Variants in HAO1 observed in about 807,000 individuals in gnomAD.
The protein encoded by HAO1 is hydroxyacid oxidase 1.
HAO1 carries 34 observed loss-of-function variants against 39.7 expected under a neutral mutation model. The observed-to-expected ratio is 0.86, with a 90% CI of 0.65 to 1.14. The LOEUF (loss-of-function observed/expected upper bound fraction) is 1.14. Ranked by LOEUF, HAO1 falls within the 50% of genes most tolerant of loss-of-function variation. The probability of loss-of-function intolerance (pLI) is 0.00; values close to 1 mark genes in which losing one functional copy is unlikely to be tolerated. For synonymous variants in HAO1, 172 were observed against 173.2 expected, an observed-to-expected ratio of 0.99 and a Z score of 0.05; for missense variants, 479 against 464.5, an observed-to-expected ratio of 1.03 and a Z score of -0.29.
At chr20:7,928,942 G>A (rs1029067421) in intron 2 of HAO1, among the ~76,000 whole-genome samples, 4 of 152,004 alleles carry the variant, frequency 2.6e-5, no homozygotes, top group Non-Finnish European at 5.9e-5. Context: ...TGGAAGATTT[G>A]GCAACCCCAC....
intron 2 of HAO1, among the ~76,000 whole-genome samples, chr20:7,930,025 C>G (rs76132687): frequency 0.013 from 1,992 of 152,218 alleles, 39 homozygotes; most frequent in African/African-American, 0.043. Flanking sequence ...TAGCAATTCC[C>G]AGAACTTTCT....
At chr20:7,904,118 C>T (rs1206719550) in intron 4 of HAO1, among the ~76,000 whole-genome samples, 1 of 152,014 alleles carries the variant, frequency 6.6e-6, no homozygotes, top group African/African-American at 2.4e-5. Context: ...AATTATGGAA[C>T]AAGACTAAAA....
intron 2 of HAO1, among the ~76,000 whole-genome samples, chr20:7,914,952 C>G (rs1384095746): frequency 6.6e-6 from 1 of 152,072 alleles, no homozygotes; most frequent in Non-Finnish European, 1.5e-5. Context: ...AACCCCATCT[C>G]TACTAAAAAA....
chr20:7,900,303 A>G (rs975394673), intron 4 of HAO1, among the ~76,000 whole-genome samples: 2 of 152,190 alleles, frequency 1.3e-5, no homozygotes, highest in South Asian at 2.1e-4. Flanking sequence ...TCCACCAGCA[A>G]GAAGACTACA....
At chr20:7,921,708 T>G (rs2050333861) in intron 2 of HAO1, among the ~76,000 whole-genome samples, 1 of 152,126 alleles carries the variant, frequency 6.6e-6, no homozygotes, top group East Asian at 1.9e-4. Flanking sequence ...TCAATCCAGG[T>G]GCCCACCAAT....
chr20:7,885,422 A>T, intron 7 of HAO1, 99 bp downstream of exon 7: 2 of 794,668 alleles, frequency 2.5e-6, no homozygotes, highest in Non-Finnish European at 4.4e-6. Context: ...TACTCAAATG[A>T]TCCCACACTC....
intron 3 of HAO1, among the ~76,000 whole-genome samples, chr20:7,909,814 A>G (rs2025222458): frequency 6.6e-6 from 1 of 152,208 alleles, no homozygotes; most frequent in Non-Finnish European, 1.5e-5. Flanking sequence ...CATGACCAGT[A>G]GAAGCTACAG....
chr20:7,910,312 C>T (rs1423200106), intron 3 of HAO1, among the ~76,000 whole-genome samples: 3 of 152,198 alleles, frequency 2.0e-5, no homozygotes, highest in East Asian at 1.9e-4. Context: ...TGGTAACCAG[C>T]GTTGGCAAAA....
intron 3 of HAO1, among the ~76,000 whole-genome samples, chr20:7,913,617 T>C (rs949006397): frequency 7.9e-5 from 12 of 152,204 alleles, no homozygotes; most frequent in African/African-American, 2.9e-4. Context: ...CATCAGATTA[T>C]GTGATATATT....
chr20:7,898,597 C>T (rs1254347608), intron 4 of HAO1, among the ~76,000 whole-genome samples: 1 of 152,110 alleles, frequency 6.6e-6, no homozygotes, highest in Non-Finnish European at 1.5e-5. Flanking sequence ...CAATGGACTA[C>T]CATAGAACTT....
intron 2 of HAO1, among the ~76,000 whole-genome samples, chr20:7,924,221 T>TTGC (rs757142682): frequency 1.1e-4 from 17 of 147,868 alleles, no homozygotes; most frequent in African/African-American, 4.0e-4. Context: ...GTTGTTGTTG[T>TTGC]TGTTGTTTGT....
intron 3 of HAO1, among the ~76,000 whole-genome samples, chr20:7,907,993 A>G (rs554028284): frequency 3.3e-5 from 5 of 152,188 alleles, no homozygotes; most frequent in Admixed American, 3.3e-4. Context: ...TTTTTGGTCA[A>G]AGTATAGTTG....
At chr20:7,916,204 C>T (rs1325712277) in intron 2 of HAO1, among the ~76,000 whole-genome samples, 1 of 151,844 alleles carries the variant, frequency 6.6e-6, no homozygotes, top group Non-Finnish European at 1.5e-5. Context: ...TGGAGTCAGC[C>T]TTAGTGGAGG....
At chr20:7,905,693 C>T (rs2122767733) in intron 4 of HAO1, among the ~76,000 whole-genome samples, 1 of 152,208 alleles carries the variant, frequency 6.6e-6, no homozygotes, top group Non-Finnish European at 1.5e-5. Flanking sequence ...GTGGGTTTGA[C>T]CACACTCAAA....
chr20:7,910,977 G>A (rs559191295), intron 3 of HAO1, among the ~76,000 whole-genome samples: 1 of 152,188 alleles, frequency 6.6e-6, no homozygotes, highest in South Asian at 2.1e-4. Context: ...CATTCCTAAT[G>A]TCAAGACTCA....
chr20:7,938,496 T>C (rs550443181), intron 1 of HAO1, among the ~76,000 whole-genome samples: 36 of 152,090 alleles, frequency 2.4e-4, no homozygotes, highest in Non-Finnish European at 4.6e-4. Context: ...GGTACACACA[T>C]AGGATGGGAA....
In HAO1 at chr20:7,913,405, G is replaced by A. The variant is rs138073919; in HGVS notation, c.545+759C>T. Among the ~76,000 whole-genome samples the A allele has an allele frequency of 1.6e-3, 244 of 152,224 alleles. 2 individuals carry two copies. In the South Asian group the frequency reaches 0.016, roughly 10 times the overall value. On this transcript the variant is annotated intron_variant, in intron 3 of 7. Transcript: ENST00000378789. Reference sequence around the variant, plus strand: ...ATGAAAAATCCAAGAGCACATTTTGGTGGAAACTGAAGGAAGGAAAATCTG... The same window carrying A: ...ATGAAAAATCCAAGAGCACATTTTGATGGAAACTGAAGGAAGGAAAATCTG...
At chr20:7,930,340 G>T (rs1169867682) in intron 2 of HAO1, among the ~76,000 whole-genome samples, 1 of 152,118 alleles carries the variant, frequency 6.6e-6, no homozygotes, top group Non-Finnish European at 1.5e-5. Context: ...TTCTGGGAAT[G>T]ATGGAATAAA....
chr20:7,921,786 A>G (rs746785276), intron 2 of HAO1, among the ~76,000 whole-genome samples: 1 of 152,158 alleles, frequency 6.6e-6, no homozygotes, highest in Non-Finnish European at 1.5e-5. Flanking sequence ...AAAAAATAAC[A>G]AAATAATGTC....
Sources: gnomAD v4.1 joint callset for allele counts (sites outside exome capture counted in the v4.1 genomes callset) on GRCh38, gnomAD v4.1.1 for gene constraint, MANE v1.5 for transcripts, NCBI Gene and HGNC (gene_info 2026-07-23, HGNC 2026-07-21) for gene names.